Variants in RHBDL3 observed in about 807,000 individuals in gnomAD.
The protein encoded by RHBDL3 is rhomboid like 3.
A neutral mutation model predicts 48.2 loss-of-function variants in RHBDL3; 28 were observed. The observed-to-expected ratio is 0.58, with a 90% CI of 0.43 to 0.80. The LOEUF (loss-of-function observed/expected upper bound fraction) is 0.80. RHBDL3 is among the 30% of genes least tolerant of loss of function. RHBDL3 has a pLI of 0.00. For synonymous variants in RHBDL3, 208 were observed against 232.3 expected, an observed-to-expected ratio of 0.90 and a Z score of 0.95; for missense variants, 464 against 542.7, an observed-to-expected ratio of 0.85 and a Z score of 1.44.
chr17:32,285,991 C>T (rs754550189), intron 3 of RHBDL3, among the ~76,000 whole-genome samples: 16 of 152,152 alleles, frequency 1.1e-4, no homozygotes, highest in Non-Finnish European at 1.8e-4. Context: ...GTGGAGGAAT[C>T]GACTGCTGTT....
rs895141595 is a variant in RHBDL3 at position 32,323,731 on chromosome 17, A to T, written c.*2502A>T. On this transcript the variant is annotated 3_prime_UTR_variant, in exon 9 of 9. Transcript: ENST00000269051. ...ATGTTAAGTGTGTCCTCTGCTGCCA[A>T]GGACCCTCGTCTACACCTTAGACCA... 1 of 151,718 alleles carries T rather than the reference A, an allele frequency of 6.6e-6. No homozygotes were observed. Among genetic ancestry groups the T allele is most frequent in the African/African-American group, 2.4e-5 (1 of 41,212 alleles). 9.4% of individuals were successfully genotyped at this position (151,718 alleles called of 1,614,324 possible).
intron 8 of RHBDL3, 78 bp from the exon 9 acceptor site, chr17:32,320,880 G>A (rs912334540): frequency 4.0e-6 from 4 of 992,488 alleles, no homozygotes; most frequent in African/African-American, 3.2e-5. Context: ...ATGAATTCAT[G>A]GGTGGGTGAT....
chr17:32,296,101 G>A (rs1032463620), intron 5 of RHBDL3, among the ~76,000 whole-genome samples: 4 of 151,642 alleles, frequency 2.6e-5, no homozygotes, highest in Admixed American at 6.6e-5. Flanking sequence ...GGTGGCAGGC[G>A]CCTGTAGTCC....
chr17:32,281,402 A>T (rs986650571), intron 2 of RHBDL3, among the ~76,000 whole-genome samples: 3 of 151,358 alleles, frequency 2.0e-5, no homozygotes, highest in East Asian at 1.9e-4. Flanking sequence ...GCTTGCTCCC[A>T]GGGCACGCAA....
intron 2 of RHBDL3, 43 bp from the exon 3 acceptor site, chr17:32,284,616 G>A (rs1467645593): frequency 1.9e-6 from 3 of 1,601,494 alleles, no homozygotes; most frequent in Non-Finnish European, 1.7e-6. Context: ...GTGAAGAGGA[G>A]GTGGTGCCCT....
At chr17:32,267,436 G>A (rs969032854) in intron 1 of RHBDL3, among the ~76,000 whole-genome samples, 5 of 143,986 alleles carry the variant, frequency 3.5e-5, no homozygotes, top group Admixed American at 3.4e-4. Flanking sequence ...CTCCTGGGGG[G>A]GGAGGGGGGG....
At chr17:32,284,520 G>A in intron 2 of RHBDL3, 139 bp from the exon 3 acceptor site, 1 of 748,564 alleles carries the variant, frequency 1.3e-6, no homozygotes, top group Non-Finnish European at 2.1e-6. Flanking sequence ...GGGGGTCCTT[G>A]GAAATCTCCC....
chr17:32,270,159 A>C (rs944862947), intron 2 of RHBDL3, among the ~76,000 whole-genome samples: 1 of 143,238 alleles, frequency 7.0e-6, no homozygotes, highest in Non-Finnish European at 1.5e-5. Context: ...AAAAAAAAAG[A>C]AGCAAGCAAC....
chr17:32,278,644 G>T (rs975652115), intron 2 of RHBDL3, among the ~76,000 whole-genome samples: 1 of 152,172 alleles, frequency 6.6e-6, no homozygotes, highest in African/African-American at 2.4e-5. Context: ...GCCTGGATAT[G>T]AATCCATCTG....
intron 4 of RHBDL3, 28 bp downstream of exon 4, chr17:32,289,044 C>T: frequency 1.2e-6 from 2 of 1,602,996 alleles, no homozygotes; most frequent in African/African-American, 1.3e-5. Flanking sequence ...GAGGGGGTTG[C>T]TCTGCCTTGG....
intron 2 of RHBDL3, among the ~76,000 whole-genome samples, chr17:32,278,122 A>G (rs974441560): frequency 5.9e-5 from 9 of 151,970 alleles, no homozygotes; most frequent in African/African-American, 2.2e-4. Flanking sequence ...ACATGGTGAA[A>G]CCTCGTCTCT....
Position 32,279,026 on chromosome 17 carries a change from G to A in RHBDL3, c.136-5633G>A, listed in dbSNP as rs573688258. 4.6e-5 allele frequency among the ~76,000 whole-genome samples: 7 copies of A among 152,186 alleles called. No individual in the cohort carries two copies. In the South Asian group the frequency reaches 1.5e-3, roughly 32 times the overall value. On this transcript the variant is annotated intron_variant, in intron 2 of 8. Coordinates refer to ENST00000269051, the MANE Select transcript of RHBDL3 (RefSeq NM_138328.3). ...ACCTGTGGTCCCAGCTACTCAGGAA[G>A]CAAACACAGGAAGATTGCTTGATCC...
intron 8 of RHBDL3, among the ~76,000 whole-genome samples, chr17:32,319,543 G>A (rs2041063514): frequency 6.6e-6 from 1 of 152,156 alleles, no homozygotes; most frequent in African/African-American, 2.4e-5. Context: ...GGGGAGCCAA[G>A]GCTGGAAGGC....
intron 6 of RHBDL3, among the ~76,000 whole-genome samples, chr17:32,298,452 A>T (rs993889906): frequency 6.6e-6 from 1 of 152,234 alleles, no homozygotes; most frequent in African/African-American, 2.4e-5. Flanking sequence ...GACAGGCTGG[A>T]CAACCGACTC....
At chr17:32,310,603 C>T (rs2040821298) in intron 7 of RHBDL3, among the ~76,000 whole-genome samples, 1 of 152,184 alleles carries the variant, frequency 6.6e-6, no homozygotes, top group South Asian at 2.1e-4. Flanking sequence ...GTCCCAGCTA[C>T]TCAGAAGGCT....
At chr17:32,285,114 A>AAGGG (rs1172263803) in intron 3 of RHBDL3, among the ~76,000 whole-genome samples, 2 of 142,132 alleles carry the variant, frequency 1.4e-5, no homozygotes, top group Non-Finnish European at 3.1e-5. Flanking sequence ...CACCTTGCAG[A>AAGGG]AGGGAGGGAG....
In RHBDL3 at chr17:32,321,572, C is replaced by CG; in HGVS notation, c.*343_*344insG. On this transcript the variant is annotated 3_prime_UTR_variant, in exon 9 of 9. Coordinates refer to ENST00000269051, the MANE Select transcript of RHBDL3 (RefSeq NM_138328.3). Reference sequence around the variant, plus strand: ...TGCCCCCTCACTGCTGCGGATTGAGCAGCAGCTTCTTCCTCCTCCTCTACC... The same window carrying CG: ...TGCCCCCTCACTGCTGCGGATTGAGCGAGCAGCTTCTTCCTCCTCCTCTACC... 6.8e-6 allele frequency: 3 copies of CG among 443,700 alleles called. No homozygotes were observed. Among genetic ancestry groups the CG allele is most frequent in the East Asian group, 4.8e-5 (1 of 21,022 alleles). 27.5% of individuals were successfully genotyped at this position (443,700 alleles called of 1,614,324 possible).
intron 6 of RHBDL3, among the ~76,000 whole-genome samples, chr17:32,301,756 G>T (rs956726854): frequency 6.6e-6 from 1 of 152,032 alleles, no homozygotes; most frequent in African/African-American, 2.4e-5. Context: ...AGGAGGCGGT[G>T]GTTGCAGTGA....
intron 2 of RHBDL3, among the ~76,000 whole-genome samples, chr17:32,277,548 C>T (rs1397594817): frequency 6.6e-6 from 1 of 152,212 alleles, no homozygotes; most frequent in Non-Finnish European, 1.5e-5. Context: ...GTCACGGACT[C>T]CTCAGCCTCT....
Sources: allele counts gnomAD v4.1 joint callset (sites outside exome capture counted in the v4.1 genomes callset), GRCh38; gene constraint gnomAD v4.1.1; transcripts MANE v1.5; gene names NCBI Gene and HGNC (gene_info 2026-07-23, HGNC 2026-07-21).